Variants in RBFOX3 observed in about 807,000 individuals in gnomAD.
RBFOX3 encodes RNA binding protein fox-1 homolog 3.
RBFOX3 carries 17 observed loss-of-function variants against 48.7 expected under a neutral mutation model. The observed-to-expected ratio is 0.35, with a 90% CI of 0.24 to 0.52. The LOEUF (loss-of-function observed/expected upper bound fraction) is 0.52. Among genes scored for constraint, RBFOX3 ranks in the 20% least tolerant of loss-of-function variants. RBFOX3 has a pLI of 0.94. For synonymous variants in RBFOX3, 212 were observed against 209.5 expected (o/e 1.01, Z -0.10); for missense variants, 382 against 497.5 (o/e 0.77, Z 2.21).
At chr17:79,110,370 C>T (rs1024513867) in intron 5 of RBFOX3, among the ~76,000 whole-genome samples, 3 of 152,082 alleles carry the variant, frequency 2.0e-5, no homozygotes, top group Admixed American at 1.3e-4. Flanking sequence ...CACCCACTTT[C>T]GCCTGGGGCC....
intron 2 of RBFOX3, among the ~76,000 whole-genome samples, chr17:79,383,874 C>T (rs2060237441): frequency 1.3e-5 from 2 of 152,118 alleles, no homozygotes; most frequent in African/African-American, 4.8e-5. Flanking sequence ...GCATTCCCTG[C>T]CTCTTATTTC....
intron 4 of RBFOX3, among the ~76,000 whole-genome samples, chr17:79,139,845 C>T (rs1362182372): frequency 6.6e-6 from 1 of 152,220 alleles, no homozygotes; most frequent in African/African-American, 2.4e-5. Context: ...CGTGTGTGCC[C>T]GGGGAGGACG....
chr17:79,656,027 G>T, the RBFOX3 span, among the ~76,000 whole-genome samples: 1 of 152,258 alleles, frequency 6.6e-6, no homozygotes, highest in South Asian at 2.1e-4. Context: ...GAAGCTTTAG[G>T]CTGGGCTCCC....
chr17:79,614,709 G>T (rs2093987500), upstream of RBFOX3, among the ~76,000 whole-genome samples: 1 of 151,936 alleles, frequency 6.6e-6, no homozygotes, highest in African/African-American at 2.4e-5. Flanking sequence ...AACATTTAGA[G>T]AACAAAAAAG....
chr17:79,428,599 G>T (rs1175429053), intron 2 of RBFOX3, among the ~76,000 whole-genome samples: 1 of 152,202 alleles, frequency 6.6e-6, no homozygotes, highest in East Asian at 1.9e-4. Flanking sequence ...CCCACAAAAA[G>T]CCTCCGACAG....
intron 1 of RBFOX3, among the ~76,000 whole-genome samples, chr17:79,518,846 T>C (rs1395663606): frequency 6.6e-6 from 1 of 152,258 alleles, no homozygotes; most frequent in Non-Finnish European, 1.5e-5. Flanking sequence ...CGCTCCAGCT[T>C]TCCTGCTTTC....
chr17:79,216,782 C>G (rs2059111526), intron 4 of RBFOX3, among the ~76,000 whole-genome samples: 1 of 152,200 alleles, frequency 6.6e-6, no homozygotes, highest in African/African-American at 2.4e-5. Flanking sequence ...TACAGATGAG[C>G]CACCTGAGGC....
chr17:79,371,407 G>A (rs1240817527), intron 2 of RBFOX3, among the ~76,000 whole-genome samples: 2 of 152,198 alleles, frequency 1.3e-5, no homozygotes, highest in Non-Finnish European at 2.9e-5. Context: ...GCCCATGCTC[G>A]CCCTCCCCTT....
At chr17:79,262,645 C>T (rs751132473) in intron 3 of RBFOX3, among the ~76,000 whole-genome samples, 2 of 152,184 alleles carry the variant, frequency 1.3e-5, no homozygotes, top group Admixed American at 6.5e-5. Flanking sequence ...TGCAGGCTCA[C>T]GGTGCCAGCT....
At chr17:79,123,433 C>T (rs2036301955) in intron 4 of RBFOX3, among the ~76,000 whole-genome samples, 1 of 151,990 alleles carries the variant, frequency 6.6e-6, no homozygotes, top group Admixed American at 6.6e-5. Flanking sequence ...GCCCTTCCCC[C>T]TCTGAGTGCC....
At chr17:79,442,655 T>C (rs1412442893) in intron 2 of RBFOX3, among the ~76,000 whole-genome samples, 7 of 152,088 alleles carry the variant, frequency 4.6e-5, no homozygotes, top group Non-Finnish European at 7.4e-5. Context: ...GGGCTGCTGG[T>C]GCTCCAACCT....
At chr17:79,145,938 G>A (rs1224175121) in intron 4 of RBFOX3, among the ~76,000 whole-genome samples, 1 of 152,222 alleles carries the variant, frequency 6.6e-6, no homozygotes, top group Admixed American at 6.5e-5. Flanking sequence ...GGTTGGGGAG[G>A]GATGGTTTTG....
intron 3 of RBFOX3, among the ~76,000 whole-genome samples, chr17:79,262,528 TTA>T (rs2148489913): frequency 6.6e-6 from 1 of 152,364 alleles, no homozygotes; most frequent in African/African-American, 2.4e-5. Context: ...GGATCCTAAA[TTA>T]GATCAGTGCT....
intron 11 of RBFOX3, 127 bp from the exon 12 acceptor site, chr17:79,096,960 C>G (rs2075390051): frequency 8.3e-6 from 5 of 599,334 alleles, no homozygotes; most frequent in South Asian, 8.0e-5. Context: ...TGGAGGGCAC[C>G]AGACCCCAGG....
the RBFOX3 span, among the ~76,000 whole-genome samples, chr17:79,650,344 C>T: frequency 1.1e-4 from 16 of 152,102 alleles, no homozygotes; most frequent in East Asian, 7.8e-4. Context: ...GGGCCAGGGA[C>T]GGGGCTGCTG....
intron 3 of RBFOX3, among the ~76,000 whole-genome samples, chr17:79,263,771 G>C (rs1470365551): frequency 6.6e-6 from 1 of 152,164 alleles, no homozygotes; most frequent in East Asian, 1.9e-4. Context: ...GCTTACGAGG[G>C]GCAGAACGAT....
At chr17:79,512,996 A>ATG (rs2149885417) in intron 1 of RBFOX3, among the ~76,000 whole-genome samples, 1 of 89,000 alleles carries the variant, frequency 1.1e-5, no homozygotes, top group East Asian at 4.1e-4. Flanking sequence ...CATCGGGTAC[A>ATG]GCCCCATGGC....
At chr17:79,191,398 C>G (rs770439657) in intron 4 of RBFOX3, among the ~76,000 whole-genome samples, 1 of 152,206 alleles carries the variant, frequency 6.6e-6, no homozygotes, top group Non-Finnish European at 1.5e-5. Flanking sequence ...TAAAAAGCAA[C>G]CGCAAGGCCT....
intron 2 of RBFOX3, among the ~76,000 whole-genome samples, chr17:79,385,974 G>A (rs541127311): frequency 4.9e-5 from 7 of 142,156 alleles, no homozygotes; most frequent in Non-Finnish European, 9.1e-5. Flanking sequence ...CACCAGATGG[G>A]GGCTCCATCA....
Sources: gnomAD v4.1 joint callset for allele counts (sites outside exome capture counted in the v4.1 genomes callset) on GRCh38, gnomAD v4.1.1 for gene constraint, MANE v1.5 for transcripts, NCBI Gene and HGNC (gene_info 2026-07-23, HGNC 2026-07-21) for gene names.